GPRC5C: variants seen among roughly 807,000 people sequenced by gnomAD.
GPRC5C encodes the protein G protein-coupled receptor family C group 5 member C.
In GPRC5C, 22 loss-of-function variants were observed where a neutral mutation model predicts 31.4. The observed-to-expected ratio is 0.70, with a 90% CI of 0.50 to 1.00. The LOEUF (loss-of-function observed/expected upper bound fraction) is 1.00, where lower values mean the gene tolerates loss of function less well. GPRC5C is among the 50% of genes least tolerant of loss of function. The probability of loss-of-function intolerance (pLI) is 0.00; values close to 1 mark genes in which losing one functional copy is unlikely to be tolerated. For synonymous variants in GPRC5C, 249 were observed against 257.5 expected (o/e 0.97, Z 0.32); for missense variants, 557 against 597.2 (o/e 0.93, Z 0.70).
At chr17:74,451,149 C>G (rs1168421563), downstream of GPRC5C, 2 of 152,226 alleles carry the variant, frequency 1.3e-5, no homozygotes, top group African/African-American at 4.8e-5. Context: ...CCTCACGCTG[C>G]CCTTGGTCTA....
intron 1 of GPRC5C, chr17:74,433,631 C>A: frequency 8.9e-6 from 11 of 1,240,402 alleles, no homozygotes; most frequent in Non-Finnish European, 1.3e-5. Flanking sequence ...GTCGGGCCAT[C>A]GTCTTTCCCT....
In GPRC5C at chr17:74,443,677, C is replaced by G. The variant is rs763204520; in HGVS notation, c.1052-141C>G. ...CAACCTCACCCCCAAGTTGGCCACT[C>G]CTGGGTTAGAGACTATGCCAGGGTT... On this transcript the variant is annotated intron_variant, in intron 2 of 3. Transcript: ENST00000392627. The G allele has an allele frequency of 3.9e-6, 3 of 762,726 alleles. No homozygotes were observed. In the East Asian group the frequency reaches 7.9e-5, roughly 20 times the overall value. 47.2% of individuals were successfully genotyped at this position (762,726 alleles called of 1,614,324 possible).
Position 74,439,761 on chromosome 17 carries a change from T to C in GPRC5C, c.-16T>C. On this transcript the variant is annotated 5_prime_UTR_variant, in exon 2 of 4. Coordinates refer to ENST00000392627, the MANE Select transcript of GPRC5C (RefSeq NM_022036.4). ...TGTCTCTAGGGACCCAACCAGAGCC[T>C]GGCCTGGGAGCCAGGATGGCCATCC... is the stretch of plus-strand genomic sequence containing the variant. 1 of 1,608,162 alleles carries C rather than the reference T, an allele frequency of 6.2e-7. No homozygotes were observed. Among genetic ancestry groups the C allele is most frequent in the South Asian group, 1.1e-5 (1 of 90,836 alleles).
intron 2 of GPRC5C, chr17:74,443,469 T>A: frequency 2.4e-6 from 1 of 420,684 alleles, no homozygotes; most frequent in Non-Finnish European, 4.6e-6. Context: ...CGAAGGCCCA[T>A]GTGTCCTCTT....
chr17:74,433,579 GACTGGGAGAGACCGATA>G, intron 1 of GPRC5C: 1 of 788,392 alleles, frequency 1.3e-6, no homozygotes, highest in Non-Finnish European at 2.2e-6. Context: ...CCTAACCAGG[GACTGGGAGAGACCGATA>G]GGAGTGGAGG....
chr17:74,443,839 A>G lies in GPRC5C; in HGVS notation c.1073A>G (p.Tyr358Cys). The G allele has an allele frequency of 6.2e-7, 1 of 1,613,122 alleles. No individual in the cohort carries two copies. The highest frequency in any genetic ancestry group is 8.5e-7 in the Non-Finnish European group (1 of 1,179,132). ...GTAGCTAAGAGGCCGGTGTCACCAT[A>G]CAGCGGGTACAATGGGCAGCTGCTG... Reference protein sequence around the residue: ...PVAAKRPVSPYSGYNGQLLTS... With the variant: ...PVAAKRPVSPCSGYNGQLLTS... The change falls in exon 3 of 4, where the codon TAC becomes TGC. Residue 358 changes from tyrosine to cysteine, a missense_variant. Tyr to Cys is a radical substitution (Grantham distance 194). Coordinates refer to ENST00000392627, the MANE Select transcript of GPRC5C (RefSeq NM_022036.4).
chr17:74,439,087 T>A (rs1376650683), intron 1 of GPRC5C, among the ~76,000 whole-genome samples: 1 of 152,244 alleles, frequency 6.6e-6, no homozygotes, highest in Non-Finnish European at 1.5e-5. Flanking sequence ...AGTCATTAAC[T>A]CCTTAGCTGG....
chr17:74,443,144 C>T, intron 2 of GPRC5C: 1 of 167,912 alleles, frequency 6.0e-6, no homozygotes. Context: ...GGTGCGTCAG[C>T]AGCCCTCCTC....
chr17:74,442,519 G>T (rs1009517844), intron 2 of GPRC5C, among the ~76,000 whole-genome samples: 1 of 152,136 alleles, frequency 6.6e-6, no homozygotes, highest in Non-Finnish European at 1.5e-5. Flanking sequence ...AAATTTGGGG[G>T]TGCCATCTCA....
intron 1 of GPRC5C, among the ~76,000 whole-genome samples, chr17:74,435,438 T>C (rs2055419259): frequency 6.6e-6 from 1 of 152,188 alleles, no homozygotes; most frequent in East Asian, 1.9e-4. Context: ...AATAAGATAT[T>C]TCAGGATGGG....
chr17:74,442,349 C>T (rs2055554621), intron 2 of GPRC5C, among the ~76,000 whole-genome samples: 1 of 152,190 alleles, frequency 6.6e-6, no homozygotes, highest in Non-Finnish European at 1.5e-5. Flanking sequence ...GTAGTGGTCT[C>T]AGCAGCGCCC....
intron 1 of GPRC5C, chr17:74,432,602 G>A (rs1444870119): frequency 2.0e-5 from 16 of 798,428 alleles, no homozygotes; most frequent in East Asian, 1.3e-4. Context: ...GGCAGAGGCG[G>A]GGGGACTGGA....
intron 1 of GPRC5C, among the ~76,000 whole-genome samples, chr17:74,435,435 T>A (rs949984152): frequency 6.6e-6 from 1 of 152,188 alleles, no homozygotes; most frequent in Admixed American, 6.5e-5. Flanking sequence ...AGAAATAAGA[T>A]ATTTCAGGAT....
At position 74,443,898 on chromosome 17, in the gene GPRC5C, A is replaced by T. The variant is rs754933131; in HGVS notation, c.1132A>T (p.Met378Leu). 4.2e-5 allele frequency: 67 copies of T among 1,611,138 alleles called. No individual in the cohort carries two copies. The highest frequency in any genetic ancestry group is 5.5e-5 in the Non-Finnish European group (65 of 1,177,624). Residue 378 changes from methionine to leucine, a missense_variant, in exon 3 of 4, where the codon ATG (methionine) becomes TTG (leucine). Physicochemically the swap from Met to Leu is conservative, Grantham distance 15. Coordinates refer to ENST00000392627, the MANE Select transcript of GPRC5C (RefSeq NM_022036.4). ...SVYQPTEMAL[M>L]HKVPSEGAYD... is the part of the protein sequence containing the mutation. ...GTACCAGCCCACTGAGATGGCCCTG[A>T]TGCACAAAGTTCCGGTAAGTGGGTT...
intron 3 of GPRC5C, chr17:74,445,787 C>T (rs2055617508): frequency 6.6e-6 from 1 of 152,024 alleles, no homozygotes; most frequent in Admixed American, 6.6e-5. Flanking sequence ...ACCTCAGGAC[C>T]CTCTTCACCC....
chr17:74,449,441 CT>C, downstream of GPRC5C: 1 of 904,498 alleles, frequency 1.1e-6, no homozygotes. Flanking sequence ...GGCCCAGCAC[CT>C]TTCCCATCCT....
At chr17:74,449,615 T>G (rs956436138), downstream of GPRC5C, 11 of 277,640 alleles carry the variant, frequency 4.0e-5, no homozygotes, top group African/African-American at 1.8e-4. Context: ...CAAGGAGCTG[T>G]CCGCGGGCCC....
At chr17:74,446,747 G>A (rs2055641894) in intron 3 of GPRC5C, 102 bp from the exon 4 acceptor site, 3 of 904,014 alleles carry the variant, frequency 3.3e-6, no homozygotes, top group Non-Finnish European at 5.2e-6. Context: ...GGAGTTGGGG[G>A]GGATCTGGCA....
rs532072188 is a variant in GPRC5C at position 74,438,469 on chromosome 17, C to T, written c.-32-1276C>T. On this transcript the variant is annotated intron_variant, in intron 1 of 3. Transcript: ENST00000392627. ...AGAGACGGGGTTTCACCATTTTGGC[C>T]GGGCTGGTCTCGAACTCCTGACCTC... Among the ~76,000 whole-genome samples, 3 of 151,910 alleles carry T rather than the reference C, an allele frequency of 2.0e-5. No homozygotes were observed. In the South Asian group the frequency reaches 6.2e-4, roughly 32 times the overall value.
Sources: allele counts gnomAD v4.1 joint callset (sites outside exome capture counted in the v4.1 genomes callset), GRCh38; gene constraint gnomAD v4.1.1; transcripts MANE v1.5; gene names NCBI Gene and HGNC (gene_info 2026-07-23, HGNC 2026-07-21).